Variants in AKAP9 observed in about 807,000 individuals in gnomAD.
The protein encoded by AKAP9 is A-kinase anchoring protein 9.
In AKAP9, 311 loss-of-function variants were observed where a neutral mutation model predicts 488.5. That is an observed-to-expected ratio of 0.64 (90% CI 0.58 to 0.70). The LOEUF (loss-of-function observed/expected upper bound fraction) is 0.70, where lower values mean the gene tolerates loss of function less well. Ranked by LOEUF, AKAP9 falls within the 30% of genes least tolerant of loss-of-function variation. The pLI, the probability that AKAP9 is intolerant of heterozygous loss-of-function variation, is 0.00. For missense variants in AKAP9, 4,215 were observed against 4,374.5 expected (o/e 0.96, Z 1.03); for synonymous variants, 1,462 against 1,483.5 (o/e 0.99, Z 0.33).
chr7:91,955,826 G>A (rs1182321291), intron 1 of AKAP9, among the ~76,000 whole-genome samples: 1 of 152,088 alleles, frequency 6.6e-6, no homozygotes, highest in Non-Finnish European at 1.5e-5. Flanking sequence ...TAGAAACAGG[G>A]TCTCGCCGTG....
chr7:91,994,282 A>G (rs1483665436), intron 5 of AKAP9, among the ~76,000 whole-genome samples: 1 of 152,178 alleles, frequency 6.6e-6, no homozygotes, highest in Non-Finnish European at 1.5e-5. Flanking sequence ...AAAAATACAT[A>G]TCAGTTTCAT....
Position 92,102,218 on chromosome 7 carries a change from C to T in AKAP9, c.11098-376C>T, listed in dbSNP as rs190528994. The stretch of plus-strand genomic sequence containing the variant: ...ATAAATAAATAGATAGATTAGTGAC[C>T]CTAATAAAAATAGCTCTGTACAATT... On this transcript the variant is annotated intron_variant, in intron 45 of 49. Coordinates refer to ENST00000356239, the MANE Select transcript of AKAP9 (RefSeq NM_005751.5). Among the ~76,000 whole-genome samples the T allele has an allele frequency of 2.6e-3, 363 of 141,258 alleles. 3 individuals carry two copies. Among genetic ancestry groups the T allele is most frequent in the African/African-American group, 8.8e-3 (345 of 39,162 alleles). 92.7% of individuals were successfully genotyped at this position (141,258 alleles called of 152,430 possible). A position where few individuals can be genotyped will look rare whatever the true frequency, so the allele number is the denominator to read the frequency against.
At chr7:91,965,995 C>T (rs960194962) in intron 1 of AKAP9, among the ~76,000 whole-genome samples, 1 of 152,104 alleles carries the variant, frequency 6.6e-6, no homozygotes, top group Non-Finnish European at 1.5e-5. Context: ...TGTCTCTTCA[C>T]TTTGTTGATT....
chr7:92,082,084 A>G (rs1162176800), intron 31 of AKAP9, among the ~76,000 whole-genome samples: 2 of 152,008 alleles, frequency 1.3e-5, no homozygotes, highest in Non-Finnish European at 2.9e-5. Flanking sequence ...ACAGGTGTGC[A>G]CCACAACACC....
chr7:92,022,354 T>G lies in AKAP9; in HGVS notation c.3952+2T>G, dbSNP rs1388639878. On this transcript the variant is annotated splice_donor_variant, in intron 13 of 49. Transcript: ENST00000356239. LOFTEE classifies it high-confidence loss of function. ...AGATGACCAATTTGGAAGACATTGG[T>G]AAATTTTGATCATATACCACAATGT... 1 of 1,579,848 alleles carries G rather than the reference T, an allele frequency of 6.3e-7. No individual in the cohort carries two copies. The highest frequency in any genetic ancestry group is 8.7e-7 in the Non-Finnish European group (1 of 1,149,110).
intron 2 of AKAP9, among the ~76,000 whole-genome samples, chr7:91,974,974 C>G (rs1366614197): frequency 6.6e-6 from 1 of 151,750 alleles, no homozygotes; most frequent in Non-Finnish European, 1.5e-5. Flanking sequence ...CCTCAGCCTC[C>G]TGAGTAGCTG....
chr7:92,099,626 T>A (rs1354244113), intron 43 of AKAP9, 61 bp from the exon 44 acceptor site: 1 of 1,524,398 alleles, frequency 6.6e-7, no homozygotes, highest in African/African-American at 1.4e-5. Flanking sequence ...TATTCACACT[T>A]TATATGCATT....
intron 28 of AKAP9, 89 bp from the exon 29 acceptor site, chr7:92,076,766 C>A: frequency 1.3e-6 from 1 of 781,402 alleles, no homozygotes; most frequent in Non-Finnish European, 2.0e-6. Flanking sequence ...AGCATGCATA[C>A]TTTGTAAAGC....
rs751841796 is a variant in AKAP9 at position 92,002,053 on chromosome 7, A to G, written c.2136A>G (p.Ser712=). ...ATTTACAGCAGTCTCTTGTAAATTC[A>G]AAGTCAGAAGAAATGACTCTTCAAA... is the stretch of plus-strand genomic sequence containing the variant. The part of the protein sequence containing the change: ...LKDLQQSLVN[S]KSEEMTLQIN... The change falls in exon 8 of 50, where the codon TCA becomes TCG. Residue 712 remains serine, a synonymous_variant. Coordinates refer to ENST00000356239, the MANE Select transcript of AKAP9 (RefSeq NM_005751.5). 2.5e-6 allele frequency: 4 copies of G among 1,603,164 alleles called. No homozygotes were observed. Among genetic ancestry groups the G allele is most frequent in the East Asian group, 2.2e-5 (1 of 44,728 alleles).
At chr7:92,021,487 A>G (rs1251208698) in intron 12 of AKAP9, among the ~76,000 whole-genome samples, 2 of 152,066 alleles carry the variant, frequency 1.3e-5, no homozygotes, top group Non-Finnish European at 2.9e-5. Flanking sequence ...CTCCCAGGCT[A>G]GAGTGCAATG....
chr7:92,038,852 T>C (rs1441600327), intron 17 of AKAP9, 80 bp downstream of exon 17: 3 of 954,958 alleles, frequency 3.1e-6, no homozygotes, highest in Non-Finnish European at 4.8e-6. Flanking sequence ...GCAATAGTGC[T>C]GCTTAATGTT....
In AKAP9 at chr7:92,099,697, T is replaced by C; in HGVS notation, c.10724T>C (p.Val3575Ala). ...TGQQGEEPSL[V>A]SPSTSCGSLT... ...ATTTTATTTTTCCAGCCCAGCTTGG[T>C]GTCCCCAAGTACTTCTTGTGGCTCA... Residue 3575 changes from valine (V) to alanine (A), a missense_variant, in exon 44 of 50, where the codon GTG becomes GCG. Transcript: ENST00000356239. The C allele has an allele frequency of 6.2e-7, 1 of 1,614,090 alleles. No individual in the cohort carries two copies. Among genetic ancestry groups the C allele is most frequent in the African/African-American group, 1.3e-5 (1 of 75,046 alleles).
intron 14 of AKAP9, among the ~76,000 whole-genome samples, chr7:92,028,736 A>G (rs1044046337): frequency 6.6e-6 from 1 of 152,234 alleles, no homozygotes; most frequent in Admixed American, 6.5e-5. Flanking sequence ...TATGAGAATA[A>G]AATTAATAAA....
At chr7:91,979,704 T>G (rs755367554) in intron 2 of AKAP9, among the ~76,000 whole-genome samples, 4 of 152,228 alleles carry the variant, frequency 2.6e-5, no homozygotes, top group Non-Finnish European at 4.4e-5. Context: ...ACTGCCATAA[T>G]GTATGATAGT....
chr7:92,092,653 T>C (rs1468188718), intron 38 of AKAP9: 1 of 156,862 alleles, frequency 6.4e-6, no homozygotes, highest in Non-Finnish European at 1.4e-5. Flanking sequence ...CCAACCCTTT[T>C]TGTTTGTTTT....
In AKAP9 at chr7:92,103,846, G is replaced by C. The variant is rs116667610; in HGVS notation, c.11330+1020G>C. The stretch of plus-strand genomic sequence containing the variant: ...ATTGCTAAGATAACCCACTTTTGGT[G>C]CCCAGTTATGGAAGGTCCTTTCCTA... On this transcript the variant is annotated intron_variant, in intron 46 of 49. Transcript: ENST00000356239. Among the ~76,000 whole-genome samples, 499 of 152,238 alleles carry C rather than the reference G, an allele frequency of 3.3e-3. 5 individuals carry two copies. Among genetic ancestry groups the C allele is most frequent in the African/African-American group, 0.011 (477 of 41,536 alleles).
chr7:92,061,410 A>C lies in AKAP9; in HGVS notation c.5752A>C (p.Ser1918Arg), dbSNP rs1000673132. 8.7e-6 allele frequency: 14 copies of C among 1,612,536 alleles called. No individual in the cohort carries two copies. In the African/African-American group the frequency reaches 1.2e-4, roughly 14 times the overall value. ...RAREQLAVEL[S>R]KAEGVIDGYA... The stretch of plus-strand genomic sequence containing the variant: ...CAGAGAACAGCTAGCTGTGGAGCTC[A>C]GTAAGGCTGAGGGTGAGCAATTTGC... Residue 1918 changes from serine (S) to arginine (R), a missense_variant, in exon 23 of 50, where the codon AGT (serine) becomes CGT (arginine). Physicochemically the swap from Ser to Arg is moderately radical, Grantham distance 110. Around this residue, in one of 5 missense-constraint regions of AKAP9, gnomAD observed 2,361 missense variants for 2,430.0 expected, o/e 0.97. Transcript: ENST00000356239.
intron 1 of AKAP9, among the ~76,000 whole-genome samples, chr7:91,972,218 C>A (rs551243689): frequency 6.6e-6 from 1 of 152,024 alleles, no homozygotes; most frequent in Admixed American, 6.6e-5. Context: ...TCTGATTTGG[C>A]GTCTCCTTTG....
chr7:91,985,193 G>A (rs919325015), intron 3 of AKAP9, among the ~76,000 whole-genome samples: 1 of 152,154 alleles, frequency 6.6e-6, no homozygotes, highest in African/African-American at 2.4e-5. Flanking sequence ...TCTTGTGTCA[G>A]TTTTCAAAGG....
Sources: gnomAD v4.1 joint callset for allele counts (sites outside exome capture counted in the v4.1 genomes callset) on GRCh38, gnomAD v4.1.1 for gene constraint, gnomAD v4.1.1 regional missense constraint, MANE v1.5 for transcripts, NCBI Gene and HGNC (gene_info 2026-07-23, HGNC 2026-07-21) for gene names.